APRT: variants seen among roughly 807,000 people sequenced by gnomAD.
The protein encoded by APRT is adenine phosphoribosyltransferase.
Under a neutral mutation model 21.0 loss-of-function variants are expected in APRT, and 25 were observed. That is an observed-to-expected ratio of 1.19 (90% CI 0.87 to 1.66). APRT has a LOEUF of 1.66. Among genes scored for constraint, APRT ranks in the 40% most tolerant of loss-of-function variants. APRT has a pLI of 0.00. For missense variants in APRT, 294 were observed against 232.7 expected, an observed-to-expected ratio of 1.26 and a Z score of -1.72; for synonymous variants, 153 against 109.0, an observed-to-expected ratio of 1.40 and a Z score of -2.52.
intron 2 of APRT, chr16:88,811,027 G>T (rs933764552): frequency 3.7e-6 from 1 of 271,588 alleles, no homozygotes; most frequent in South Asian, 5.1e-5. Context: ...TGTGGCTCCA[G>T]CAAGAGCTGG....
rs1287863343 is a variant in APRT, at chr16:88,809,466, C to A, written c.*232G>T. On this transcript the variant is annotated 3_prime_UTR_variant, in exon 5 of 5. Coordinates refer to ENST00000378364, the MANE Select transcript of APRT (RefSeq NM_000485.3). ...TGGGGAACAGGAGGACAGGAGACGGCTCTTGTGGGAAAGCTGTTTACTGCG... is the reference window on the plus strand; with the variant it reads ...TGGGGAACAGGAGGACAGGAGACGGATCTTGTGGGAAAGCTGTTTACTGCG... 7.3e-6 allele frequency: 5 copies of A among 688,474 alleles called. No individual in the cohort carries two copies. The East Asian group carries it at 1.5e-4, about 21-fold the overall frequency. The allele number at this position is 688,474 out of a possible 1,614,324, so 42.6% of individuals were successfully genotyped here. A position where few individuals can be genotyped will look rare whatever the true frequency, so the allele number is the denominator to read the frequency against.
chr16:88,811,808 C>T lies in APRT; in HGVS notation c.80+12G>A, dbSNP rs992299106. 4 of 1,557,534 alleles carry T rather than the reference C, an allele frequency of 2.6e-6. No homozygotes were observed. The highest frequency in any genetic ancestry group is 3.5e-6 in the Non-Finnish European group (4 of 1,152,490). On this transcript the variant is annotated intron_variant, in intron 1 of 4. Coordinates refer to ENST00000378364, the MANE Select transcript of APRT (RefSeq NM_000485.3). The stretch of plus-strand genomic sequence containing the variant: ...CAGGTCGGGGCGCCACGAGGGCGGC[C>T]TGTGCGTGCACCTGAATACCACGCC...
intron 1 of APRT, 53 bp from the exon 2 acceptor site, chr16:88,811,709 C>G: frequency 6.6e-7 from 1 of 1,508,546 alleles, no homozygotes; most frequent in Non-Finnish European, 8.9e-7. Flanking sequence ...GGCAGGGCCC[C>G]GGGGGCGAAA....
chr16:88,811,860 G>A lies in APRT; in HGVS notation c.40C>T (p.Arg14Cys). 6.4e-7 allele frequency: 1 copy of A among 1,571,888 alleles called. No individual in the cohort carries two copies. Among genetic ancestry groups the A allele is most frequent in the Non-Finnish European group, 8.6e-7 (1 of 1,160,770 alleles). The change falls in exon 1 of 5, where the codon CGC becomes TGC. Residue 14 changes from arginine to cysteine, a missense_variant. Arg to Cys is a radical substitution (Grantham distance 180, BLOSUM62 -3). Coordinates refer to ENST00000378364, the MANE Select transcript of APRT (RefSeq NM_000485.3). The part of the protein sequence containing the change: ...SELQLVEQRI[R>C]SFPDFPTPGV... Reference sequence around the variant, plus strand: ...GGGGTGGGGAAGTCGGGGAAGCTGCGGATCCGCTGCTCAACCAGCTGCAGC... The same window carrying A: ...GGGGTGGGGAAGTCGGGGAAGCTGCAGATCCGCTGCTCAACCAGCTGCAGC...
In APRT at chr16:88,809,545, A is replaced by G. The variant is rs1240503756; in HGVS notation, c.*153T>C. 3 of 1,247,182 alleles carry G rather than the reference A, an allele frequency of 2.4e-6. No individual in the cohort carries two copies. In the Admixed American group the frequency reaches 5.7e-5, roughly 24 times the overall value. The allele number at this position is 1,247,182 out of a possible 1,614,324, so 77.3% of individuals were successfully genotyped here. On this transcript the variant is annotated 3_prime_UTR_variant, in exon 5 of 5. Coordinates refer to ENST00000378364, the MANE Select transcript of APRT (RefSeq NM_000485.3). ...TGTGGCTGAAACACAGCTTTGCCCC[A>G]GGCTTTGGCACTTCCAGCCCCAGGA...
At position 88,811,918 on chromosome 16, in the gene APRT, A is replaced by G. The variant is rs2911456; in HGVS notation, c.-19T>C. 5.2e-6 allele frequency: 8 copies of G among 1,538,876 alleles called. No homozygotes were observed. The highest frequency in any genetic ancestry group is 7.0e-6 in the Non-Finnish European group (8 of 1,145,444). ...CGGCCATGGCCGCGTGCGAAGAGCC[A>G]GCGGCAGCCCGAGCGCGCCTGCGCG... On this transcript the variant is annotated 5_prime_UTR_variant, in exon 1 of 5. Coordinates refer to ENST00000378364, the MANE Select transcript of APRT (RefSeq NM_000485.3).
Position 88,811,014 on chromosome 16 carries a change from T to G in APRT, c.188-458A>C, listed in dbSNP as rs1303857316. On this transcript the variant is annotated intron_variant, in intron 2 of 4. Coordinates refer to ENST00000378364, the MANE Select transcript of APRT (RefSeq NM_000485.3). Reference sequence around the variant, plus strand: ...GGAGGTGAGAAGGGAGCTCTGGCAGTGTTGTGGCTCCAGCAAGAGCTGGCG... The same window carrying G: ...GGAGGTGAGAAGGGAGCTCTGGCAGGGTTGTGGCTCCAGCAAGAGCTGGCG... Among the ~76,000 whole-genome samples the G allele has an allele frequency of 2.6e-5, 4 of 152,058 alleles. No individual in the cohort carries two copies. The East Asian group carries it at 7.7e-4, about 29-fold the overall frequency.
At chr16:88,811,044 C>T (rs1320836502) in intron 2 of APRT, 7 of 279,346 alleles carry the variant, frequency 2.5e-5, no homozygotes, top group Admixed American at 4.9e-5. Context: ...CTGGCGCTTT[C>T]CTCAGGGCAG....
At position 88,811,574 on chromosome 16, in the gene APRT, C is replaced by G. The variant is rs759938204; in HGVS notation, c.163G>C (p.Gly55Arg). 4 of 1,601,024 alleles carry G rather than the reference C, an allele frequency of 2.5e-6. No homozygotes were observed. The highest frequency in any genetic ancestry group is 3.4e-6 in the Non-Finnish European group (4 of 1,174,892). ...LLARHLKATHGGRIDYIAGLD... is the reference protein window; with the variant it reads ...LLARHLKATHRGRIDYIAGLD... Reference sequence around the variant, plus strand: ...CCTGCGATGTAGTCGATGCGGCCCCCGTGGGTCGCCTTCAGGTGTCGCGCC... The same window carrying G: ...CCTGCGATGTAGTCGATGCGGCCCCGGTGGGTCGCCTTCAGGTGTCGCGCC... The change falls in exon 2 of 5, where the codon GGG becomes CGG. Residue 55 changes from glycine (G) to arginine (R), a missense_variant. Gly to Arg is a moderately radical substitution (Grantham distance 125, BLOSUM62 -2). Transcript: ENST00000378364.
intron 2 of APRT, among the ~76,000 whole-genome samples, chr16:88,810,789 C>T (rs148543024): frequency 9.2e-5 from 14 of 152,314 alleles, no homozygotes; most frequent in Admixed American, 4.6e-4. Context: ...AGTCACCACC[C>T]CTCTCTCTGA....
Position 88,811,659 on chromosome 16 carries a change from G to T in APRT, c.81-3C>A. 6.3e-7 allele frequency: 1 copy of T among 1,581,584 alleles called. No individual in the cohort carries two copies. Among genetic ancestry groups the T allele is most frequent in the South Asian group, 1.1e-5 (1 of 87,638 alleles). ...CCTTCAGGACGGGCGAGATGTCCCT[G>T]GACCCAAGGACAGGCCTGGTGACGC... On this transcript the variant is annotated splice_region_variant and splice_polypyrimidine_tract_variant and intron_variant, in intron 1 of 4. Transcript: ENST00000378364.
At chr16:88,811,762 G>A (rs1909154599) in intron 1 of APRT, 58 bp downstream of exon 1, 20 of 1,513,168 alleles carry the variant, frequency 1.3e-5, no homozygotes, top group Non-Finnish European at 1.6e-5. Context: ...CGCGGGCCAC[G>A]CGCTCCCATC....
In APRT at chr16:88,811,880, T is replaced by A. The variant is rs1291207366; in HGVS notation, c.20A>T (p.Gln7Leu). 6.4e-7 allele frequency: 1 copy of A among 1,562,222 alleles called. No homozygotes were observed. Among genetic ancestry groups the A allele is most frequent in the African/African-American group, 1.4e-5 (1 of 73,276 alleles). The change falls in exon 1 of 5, where the codon CAG becomes CTG. Residue 7 changes from glutamine to leucine, a missense_variant. Physicochemically the swap from Gln to Leu is moderately radical, Grantham distance 113. Coordinates refer to ENST00000378364, the MANE Select transcript of APRT (RefSeq NM_000485.3). The part of the protein sequence containing the change: MADSEL[Q>L]LVEQRIRSFP... ...GCTGCGGATCCGCTGCTCAACCAGC[T>A]GCAGCTCGGAGTCGGCCATGGCCGC...
chr16:88,809,448 C>T lies in APRT; in HGVS notation c.*250G>A, dbSNP rs1193849530. ...TCCTGGGGCTCCCTGCCCTGGGGAA[C>T]AGGAGGACAGGAGACGGCTCTTGTG... is the stretch of plus-strand genomic sequence containing the variant. On this transcript the variant is annotated 3_prime_UTR_variant, in exon 5 of 5. Coordinates refer to ENST00000378364, the MANE Select transcript of APRT (RefSeq NM_000485.3). 8 of 630,374 alleles carry T rather than the reference C, an allele frequency of 1.3e-5. No individual in the cohort carries two copies. The highest frequency in any genetic ancestry group is 6.4e-5 in the Admixed American group (3 of 46,910). The allele number at this position is 630,374 out of a possible 1,614,324, so 39.0% of individuals were successfully genotyped here.
At position 88,810,149 on chromosome 16, in the gene APRT, C is replaced by T. The variant is rs1567504720; in HGVS notation, c.322-1G>A. ...CGTCTTTCTGAATCTCCAGCTCAGC[C>T]TGGAGTGGGAAGTGGTGTGTGGTCC... On this transcript the variant is annotated splice_acceptor_variant, in intron 3 of 4. Coordinates refer to ENST00000378364, the MANE Select transcript of APRT (RefSeq NM_000485.3). LOFTEE classifies it high-confidence loss of function. The T allele has an allele frequency of 1.9e-6, 3 of 1,612,758 alleles. No homozygotes were observed. The highest frequency in any genetic ancestry group is 3.3e-5 in the Admixed American group (2 of 60,012).
At position 88,811,884 on chromosome 16, in the gene APRT, G is replaced by A. The variant is rs1337775483; in HGVS notation, c.16C>T (p.Leu6=). 13 of 1,559,190 alleles carry A rather than the reference G, an allele frequency of 8.3e-6. No homozygotes were observed. The highest frequency in any genetic ancestry group is 1.2e-5 in the South Asian group (1 of 84,796). The part of the protein sequence containing the change: MADSE[L]QLVEQRIRSF... ...CGGATCCGCTGCTCAACCAGCTGCA[G>A]CTCGGAGTCGGCCATGGCCGCGTGC... The change falls in exon 1 of 5, where the codon CTG becomes TTG. Residue 6 remains leucine, a synonymous_variant. Transcript: ENST00000378364.
intron 2 of APRT, chr16:88,811,190 C>G (rs2242172): frequency 0.076 from 34,791 of 457,714 alleles, 3,443 homozygotes; most frequent in East Asian, 0.42. Flanking sequence ...GTGATCTTCA[C>G]CAGGGAAGGC....
rs1363881274 is a variant in APRT, at chr16:88,811,869, G to A, written c.31C>T (p.Gln11Ter). The change falls in exon 1 of 5, where the codon CAG becomes TAG. Residue 11 changes from glutamine (Q) to a stop codon, truncating the protein, a stop_gained. Coordinates refer to ENST00000378364, the MANE Select transcript of APRT (RefSeq NM_000485.3). LOFTEE classifies it high-confidence loss of function. ...AAGTCGGGGAAGCTGCGGATCCGCTGCTCAACCAGCTGCAGCTCGGAGTCG... is the reference window on the plus strand; with the variant it reads ...AAGTCGGGGAAGCTGCGGATCCGCTACTCAACCAGCTGCAGCTCGGAGTCG... The part of the protein sequence containing the change: MADSELQLVE[Q>*]RIRSFPDFPT... The A allele has an allele frequency of 3.2e-6, 5 of 1,567,452 alleles. No individual in the cohort carries two copies.
intron 3 of APRT, 87 bp from the exon 4 acceptor site, chr16:88,810,235 A>C: frequency 3.9e-6 from 6 of 1,531,244 alleles, no homozygotes; most frequent in Middle Eastern, 1.7e-4. Flanking sequence ...CTAGACCCTG[A>C]CTCCAACCCC....
Sources: gnomAD v4.1 joint callset for allele counts (sites outside exome capture counted in the v4.1 genomes callset) on GRCh38, gnomAD v4.1.1 for gene constraint, MANE v1.5 for transcripts, NCBI Gene and HGNC (gene_info 2026-07-23, HGNC 2026-07-21) for gene names.